Variants in NAV3 observed in about 807,000 individuals in gnomAD.
NAV3 encodes pore membrane and/or filament interacting like protein 1.
In NAV3, 87 loss-of-function variants were observed where a neutral mutation model predicts 244.7. The ratio of observed to expected loss-of-function variants is 0.36; its 90% CI spans 0.30 to 0.42. The LOEUF (loss-of-function observed/expected upper bound fraction) is 0.42. NAV3 is among the 20% of genes least tolerant of loss of function. The probability of loss-of-function intolerance (pLI) is 1.00; values close to 1 mark genes in which losing one functional copy is unlikely to be tolerated. For synonymous variants in NAV3, 1,126 were observed against 1,042.2 expected (o/e 1.08, Z -1.55); for missense variants, 2,663 against 2,893.3 (o/e 0.92, Z 1.83).
At chr12:78,160,849 C>G (rs1347293798) in intron 23 of NAV3, among the ~76,000 whole-genome samples, 1 of 150,104 alleles carries the variant, frequency 6.7e-6, no homozygotes, top group Non-Finnish European at 1.5e-5. Flanking sequence ...TTTCTTTCCT[C>G]CCTCCCTCCC....
At chr12:78,116,954 C>A (rs200155100) in intron 13 of NAV3, 50 bp downstream of exon 13, 46 of 1,596,262 alleles carry the variant, frequency 2.9e-5, no homozygotes, top group Non-Finnish European at 3.6e-5. Context: ...GCTTTTTCCC[C>A]AAAATTACTT....
rs555657315 is a variant in NAV3, at chr12:77,912,916, T to G, written c.244-27403T>G. ...TGTGAGCCATGCCGTTTTACATGCA[T>G]TTTTCAAGAACTGAGAAATAAGTAA... is the stretch of plus-strand genomic sequence containing the variant. On this transcript the variant is annotated intron_variant, in intron 1 of 39. Transcript: ENST00000397909. Among the ~76,000 whole-genome samples the G allele has an allele frequency of 7.8e-4, 119 of 152,144 alleles. 1 individual carries two copies. Among genetic ancestry groups the G allele is most frequent in the Admixed American group, 4.7e-3 (71 of 15,254 alleles).
rs368964175 is a variant in NAV3 at position 77,931,030 on chromosome 12, ATCT to A, written c.244-9284_244-9282del. Among the ~76,000 whole-genome samples the A allele has an allele frequency of 6.7e-4, 102 of 151,800 alleles. 3 individuals carry two copies. The East Asian group carries it at 0.018, about 27-fold the overall frequency. On this transcript the variant is annotated intron_variant, in intron 1 of 39. Coordinates refer to ENST00000397909, the MANE Select transcript of NAV3 (RefSeq NM_001024383.2). ...ATCCCTGATATTGTTATCAATTTTT[ATCT>A]TCTTAATAGTGATGAACACTTTGAA...
intron 2 of NAV3, among the ~76,000 whole-genome samples, chr12:77,601,736 C>T (rs1276066579): frequency 4.6e-5 from 7 of 151,848 alleles, no homozygotes; most frequent in African/African-American, 1.7e-4. Context: ...ACCTTAGGCT[C>T]CTGAAGAATA....
chr12:78,197,343 C>A lies in NAV3; in HGVS notation c.6388C>A (p.His2130Asn), dbSNP rs1959191238. Residue 2130 changes from histidine (H) to asparagine (N), a missense_variant, in exon 35 of 40, where the codon CAT becomes AAT. This residue lies in a region of NAV3 where 543 missense variants were observed against 672.4 expected (regional missense o/e 0.81). Transcript: ENST00000397909. ...PVVIILDNLH[H>N]VGSLSDIFNG... ...TGTAATAATTCTTGATAATCTTCAT[C>A]ATGTGGGCTCTCTGAGTGATATCTT... 6.2e-7 allele frequency: 1 copy of A among 1,608,704 alleles called. No homozygotes were observed. Among genetic ancestry groups the A allele is most frequent in the Admixed American group, 1.7e-5 (1 of 59,660 alleles).
In NAV3 at chr12:77,671,468, C is replaced by A. The variant is rs188161321; in HGVS notation, c.72+99202C>A. On this transcript the variant is annotated intron_variant, in intron 2 of 8. Transcript: ENST00000550042. ...TTTTCATAGCCAAAGCAAGACTAAGCAAAAATAATAAATCTGGAGGCATCA... is the reference window on the plus strand; with the variant it reads ...TTTTCATAGCCAAAGCAAGACTAAGAAAAAATAATAAATCTGGAGGCATCA... Among the ~76,000 whole-genome samples, 257 of 152,058 alleles carry A rather than the reference C, an allele frequency of 1.7e-3. 3 individuals are homozygous for A. The highest frequency in any genetic ancestry group is 5.8e-3 in the African/African-American group (241 of 41,492).
intron 1 of NAV3, among the ~76,000 whole-genome samples, chr12:77,917,549 G>A (rs1185290916): frequency 6.6e-6 from 1 of 151,974 alleles, no homozygotes; most frequent in Non-Finnish European, 1.5e-5. Flanking sequence ...ATGTGTAACG[G>A]TCCTATTTTC....
chr12:77,749,551 A>G (rs1346438145), intron 2 of NAV3, among the ~76,000 whole-genome samples: 1 of 152,188 alleles, frequency 6.6e-6, no homozygotes, highest in Non-Finnish European at 1.5e-5. Context: ...ATCTATTTAG[A>G]CAATTTAAGA....
Position 78,021,693 on chromosome 12 carries a change from G to A in NAV3, c.1908-54G>A, listed in dbSNP as rs1038447475. ...TTTCTTGTAGAACTTCCACTTTGATGAGTGACTAGTGACTATAACTGCTAT... is the reference window on the plus strand; with the variant it reads ...TTTCTTGTAGAACTTCCACTTTGATAAGTGACTAGTGACTATAACTGCTAT... On this transcript the variant is annotated intron_variant, in intron 8 of 39. Coordinates refer to ENST00000397909, the MANE Select transcript of NAV3 (RefSeq NM_001024383.2). 4.2e-6 allele frequency: 5 copies of A among 1,189,530 alleles called. No individual in the cohort carries two copies. The Admixed American group carries it at 7.8e-5, about 19-fold the overall frequency. 73.7% of individuals were successfully genotyped at this position (1,189,530 alleles called of 1,614,324 possible). A position where few individuals can be genotyped will look rare whatever the true frequency, so the allele number is the denominator to read the frequency against.
intron 37 of NAV3, among the ~76,000 whole-genome samples, chr12:78,200,117 C>G (rs1959488667): frequency 6.6e-6 from 1 of 151,968 alleles, no homozygotes; most frequent in African/African-American, 2.4e-5. Context: ...ACACTGGGAC[C>G]AGAACACTCA....
chr12:77,632,427 G>A (rs533655363), intron 2 of NAV3, among the ~76,000 whole-genome samples: 3 of 152,280 alleles, frequency 2.0e-5, no homozygotes, highest in South Asian at 2.1e-4. Flanking sequence ...GATGTCATAC[G>A]TGGATGGCGG....
At chr12:78,063,603 T>G (rs978246779) in intron 12 of NAV3, among the ~76,000 whole-genome samples, 1 of 152,120 alleles carries the variant, frequency 6.6e-6, no homozygotes, top group African/African-American at 2.4e-5. Flanking sequence ...GAGAGAGTAA[T>G]GTAAACAAAG....
intron 2 of NAV3, among the ~76,000 whole-genome samples, chr12:77,661,179 C>T (rs892113542): frequency 2.0e-5 from 3 of 152,038 alleles, no homozygotes; most frequent in Non-Finnish European, 4.4e-5. Context: ...TCATTGTGGA[C>T]GTACCGTTTT....
chr12:77,751,700 T>A (rs1592647410), intron 2 of NAV3, among the ~76,000 whole-genome samples: 3 of 152,204 alleles, frequency 2.0e-5, no homozygotes, highest in Admixed American at 2.0e-4. Flanking sequence ...ATTAGCAGCA[T>A]GAGAATGGAC....
At chr12:77,750,588 G>T (rs769578017) in intron 2 of NAV3, among the ~76,000 whole-genome samples, 3 of 151,844 alleles carry the variant, frequency 2.0e-5, no homozygotes, top group Non-Finnish European at 4.4e-5. Context: ...GATAACCCTG[G>T]GTAAGTACAG....
intron 2 of NAV3, among the ~76,000 whole-genome samples, chr12:77,743,395 A>G (rs1481519497): frequency 6.6e-6 from 1 of 151,876 alleles, no homozygotes; most frequent in African/African-American, 2.4e-5. Context: ...TCAAGAGTCA[A>G]CTGTACAAGT....
intron 2 of NAV3, among the ~76,000 whole-genome samples, chr12:77,682,586 C>G (rs956737216): frequency 6.6e-6 from 1 of 152,040 alleles, no homozygotes; most frequent in Admixed American, 6.5e-5. Flanking sequence ...TATACTGTTT[C>G]CATAGAGGCT....
chr12:77,900,411 T>C (rs1885145157), intron 1 of NAV3, among the ~76,000 whole-genome samples: 1 of 152,168 alleles, frequency 6.6e-6, no homozygotes, highest in Non-Finnish European at 1.5e-5. Flanking sequence ...ACTCAGTGCT[T>C]AGCTCCCACT....
chr12:77,721,754 A>G (rs994868127), intron 2 of NAV3, among the ~76,000 whole-genome samples: 3 of 152,170 alleles, frequency 2.0e-5, no homozygotes, highest in Admixed American at 6.6e-5. Context: ...ATGGGAATGT[A>G]GCAATTTACA....
Sources: gnomAD v4.1 joint callset for allele counts (sites outside exome capture counted in the v4.1 genomes callset) on GRCh38, gnomAD v4.1.1 for gene constraint, gnomAD v4.1.1 regional missense constraint, MANE v1.5 for transcripts, NCBI Gene and HGNC (gene_info 2026-07-23, HGNC 2026-07-21) for gene names.